Variants in PEBP4 observed in about 807,000 individuals in gnomAD.
PEBP4 encodes the protein phosphatidylethanolamine binding protein 4.
PEBP4 carries 22 observed loss-of-function variants against 23.9 expected under a neutral mutation model. The observed-to-expected ratio is 0.92, with a 90% CI of 0.66 to 1.31. The LOEUF is 1.31. PEBP4 is among the 40% of genes most tolerant of loss of function. PEBP4 has a pLI of 0.00. For synonymous variants in PEBP4, 112 were observed against 99.3 expected (o/e 1.13, Z -0.76); for missense variants, 324 against 281.7 (o/e 1.15, Z -1.07).
At chr8:22,866,217 C>A (rs771295963) in intron 3 of PEBP4, among the ~76,000 whole-genome samples, 1 of 152,188 alleles carries the variant, frequency 6.6e-6, no homozygotes, top group East Asian at 1.9e-4. Context: ...TATCAGCCTG[C>A]GTTAGCTAAT....
At chr8:22,890,537 C>T (rs1563251123) in intron 3 of PEBP4, among the ~76,000 whole-genome samples, 1 of 152,266 alleles carries the variant, frequency 6.6e-6, no homozygotes, top group African/African-American at 2.4e-5. Context: ...AAACTCCCAG[C>T]TTCCCCTCTC....
At chr8:22,913,674 G>C (rs555279120) in intron 3 of PEBP4, among the ~76,000 whole-genome samples, 1 of 152,272 alleles carries the variant, frequency 6.6e-6, no homozygotes, top group African/African-American at 2.4e-5. Context: ...AAAGGAGCTG[G>C]ACACCCTTTG....
intron 3 of PEBP4, among the ~76,000 whole-genome samples, chr8:22,894,703 A>C (rs1808558334): frequency 6.6e-6 from 1 of 152,234 alleles, no homozygotes; most frequent in African/African-American, 2.4e-5. Flanking sequence ...AACAAAACTG[A>C]AATCAGAAGT....
intron 3 of PEBP4, among the ~76,000 whole-genome samples, chr8:22,900,310 T>A (rs1808686558): frequency 1.3e-5 from 2 of 152,152 alleles, no homozygotes; most frequent in Admixed American, 1.3e-4. Context: ...ATTGGTTCCT[T>A]GAAGTACATT....
intron 3 of PEBP4, among the ~76,000 whole-genome samples, chr8:22,854,972 A>G (rs949874648): frequency 2.1e-5 from 3 of 143,260 alleles, no homozygotes; most frequent in African/African-American, 7.8e-5. Context: ...AAGCTTGTCC[A>G]AATGAGTGTG....
intron 3 of PEBP4, among the ~76,000 whole-genome samples, chr8:22,828,706 C>A (rs1807024055): frequency 6.6e-6 from 1 of 152,156 alleles, no homozygotes; most frequent in South Asian, 2.1e-4. Context: ...TTCTTGGTTG[C>A]TACATTCACC....
At chr8:22,895,149 A>T (rs992010628) in intron 3 of PEBP4, among the ~76,000 whole-genome samples, 16 of 152,298 alleles carry the variant, frequency 1.1e-4, no homozygotes, top group African/African-American at 3.8e-4. Context: ...CAATTGGGCC[A>T]TATTGATCAA....
chr8:22,854,246 T>C (rs919435717), intron 3 of PEBP4, among the ~76,000 whole-genome samples: 3 of 152,282 alleles, frequency 2.0e-5, no homozygotes, highest in South Asian at 4.1e-4. Flanking sequence ...CTAATTTCCA[T>C]AGGAGATGAA....
chr8:22,756,163 G>A (rs1178764845), intron 4 of PEBP4, among the ~76,000 whole-genome samples: 3 of 152,332 alleles, frequency 2.0e-5, no homozygotes, highest in Admixed American at 6.5e-5. Flanking sequence ...ACAGCCTTGC[G>A]AGGCTAGCGT....
chr8:22,740,535 G>A (rs1367156469), intron 4 of PEBP4, among the ~76,000 whole-genome samples: 1 of 152,190 alleles, frequency 6.6e-6, no homozygotes, highest in East Asian at 1.9e-4. Context: ...CACCACAGCA[G>A]CTTCCTGCTC....
chr8:22,731,186 CAA>C (rs1403761106), intron 4 of PEBP4, among the ~76,000 whole-genome samples: 1 of 152,124 alleles, frequency 6.6e-6, no homozygotes, highest in African/African-American at 2.4e-5. Context: ...GTTTTTTCGA[CAA>C]AAGTTACACT....
intron 3 of PEBP4, among the ~76,000 whole-genome samples, chr8:22,832,620 C>A (rs529564735): frequency 6.6e-6 from 1 of 152,130 alleles, no homozygotes; most frequent in African/African-American, 2.4e-5. Flanking sequence ...GGAGTCTTTG[C>A]GTGTCTGCCT....
At chr8:22,897,056 T>A (rs1238055307) in intron 3 of PEBP4, among the ~76,000 whole-genome samples, 1 of 152,028 alleles carries the variant, frequency 6.6e-6, no homozygotes, top group Admixed American at 6.6e-5. Flanking sequence ...TATGTATATA[T>A]ATATAATCCA....
intron 4 of PEBP4, among the ~76,000 whole-genome samples, chr8:22,732,077 A>G (rs1423093974): frequency 2.0e-4 from 30 of 152,038 alleles, no homozygotes; most frequent in Admixed American, 2.0e-3. Flanking sequence ...AAAGCCCAGG[A>G]TGGGTTTTTC....
chr8:22,842,386 T>C (rs565348531), intron 3 of PEBP4, among the ~76,000 whole-genome samples: 2 of 152,280 alleles, frequency 1.3e-5, no homozygotes, highest in East Asian at 3.9e-4. Context: ...TCCAGCCACA[T>C]GGAAAACGGT....
At chr8:22,786,337 C>T (rs904222270) in intron 4 of PEBP4, among the ~76,000 whole-genome samples, 2 of 152,198 alleles carry the variant, frequency 1.3e-5, no homozygotes, top group African/African-American at 2.4e-5. Flanking sequence ...GGCTGGAGTA[C>T]AGTGGTGTGA....
In PEBP4 at chr8:22,767,660, A is replaced by G. The variant is rs140435947; in HGVS notation, c.358-40440T>C. ...GGGAGACTCTTGGGGTGTTGGAAAT[A>G]TTTGCTATCTTGATCTCGGTGGTGG... On this transcript the variant is annotated intron_variant, in intron 4 of 6. Transcript: ENST00000256404. Among the ~76,000 whole-genome samples, 146 of 152,160 alleles carry G rather than the reference A, an allele frequency of 9.6e-4. 1 individual carries two copies. The highest frequency in any genetic ancestry group is 3.4e-3 in the African/African-American group (143 of 41,498).
chr8:22,760,141 TA>T (rs1392115111), intron 4 of PEBP4, among the ~76,000 whole-genome samples: 1 of 152,170 alleles, frequency 6.6e-6, no homozygotes, highest in African/African-American at 2.4e-5. Context: ...CTCACTGCAT[TA>T]TCTCATTGAA....
At chr8:22,819,436 T>A (rs116499489) in intron 3 of PEBP4, among the ~76,000 whole-genome samples, 1 of 152,080 alleles carries the variant, frequency 6.6e-6, no homozygotes, top group East Asian at 1.9e-4. Flanking sequence ...AGGACTGATA[T>A]TTGGCTGGAA....
Sources: gnomAD v4.1 joint callset for allele counts (sites outside exome capture counted in the v4.1 genomes callset) on GRCh38, gnomAD v4.1.1 for gene constraint, MANE v1.5 for transcripts, NCBI Gene and HGNC (gene_info 2026-07-23, HGNC 2026-07-21) for gene names.